BRD4: variants seen among roughly 807,000 people sequenced by gnomAD.
BRD4 encodes bromodomain-containing protein 4.
In BRD4, 16 loss-of-function variants were observed where a neutral mutation model predicts 142.1. The ratio of observed to expected loss-of-function variants is 0.11; its 90% CI spans 0.08 to 0.17. BRD4 has a LOEUF of 0.17. Among genes scored for constraint, BRD4 ranks in the 10% least tolerant of loss-of-function variants. BRD4 has a pLI of 1.00. For missense variants in BRD4, 1,424 were observed against 1,810.9 expected (o/e 0.79, Z 3.88); for synonymous variants, 833 against 707.5 (o/e 1.18, Z -2.82).
In BRD4 at chr19:15,244,879, A is replaced by G. The variant is rs2047272123; in HGVS notation, c.2159-117T>C. On this transcript the variant is annotated intron_variant, in intron 11 of 19. Coordinates refer to ENST00000679869, the MANE Select transcript of BRD4 (RefSeq NM_001379291.1). ...CAGGAGAAGGACCAGTGACCCTGAG[A>G]AAGGGCAGCCGAGTTCAATGAGGGA... 6.4e-6 allele frequency: 10 copies of G among 1,564,514 alleles called. No individual in the cohort carries two copies. The South Asian group carries it at 8.1e-5, about 13-fold the overall frequency.
rs536778930 is a variant in BRD4 at position 15,306,998 on chromosome 19, G to A, written c.-35+25292C>T. Among the ~76,000 whole-genome samples the A allele has an allele frequency of 4.4e-4, 67 of 152,114 alleles. 1 individual carries two copies. Among genetic ancestry groups the A allele is most frequent in the Middle Eastern group, 6.8e-3 (2 of 294 alleles). On this transcript the variant is annotated intron_variant, in intron 1 of 19. Transcript: ENST00000679869. The stretch of plus-strand genomic sequence containing the variant: ...TTCTCAATTTGTAAATAAAAAAACC[G>A]CAATTATCTGCAAAGCACAATAAAA...
rs201364641 is a variant in BRD4, at chr19:15,268,877, C to G, written c.423+28G>C. On this transcript the variant is annotated intron_variant, in intron 3 of 19. Coordinates refer to ENST00000679869, the MANE Select transcript of BRD4 (RefSeq NM_001379291.1). ...CGCCTCCCCTCCTCTCTCCCCAGGG[C>G]AGCTGGACACCCACCCCTACATCTC... 35 of 1,612,620 alleles carry G rather than the reference C, an allele frequency of 2.2e-5. No individual in the cohort carries two copies. The South Asian group carries it at 3.6e-4, about 17-fold the overall frequency.
intron 1 of BRD4, among the ~76,000 whole-genome samples, chr19:15,309,613 G>A (rs1249560330): frequency 2.0e-5 from 3 of 152,126 alleles, no homozygotes; most frequent in South Asian, 4.1e-4. Context: ...GTGTGTGTGG[G>A]CACTCACAGA....
intron 1 of BRD4, among the ~76,000 whole-genome samples, chr19:15,278,140 A>G (rs1408013355): frequency 2.5e-5 from 3 of 118,444 alleles, no homozygotes; most frequent in Admixed American, 1.8e-4. Context: ...AAAAAAAAAA[A>G]TCAAAATCAA....
intron 2 of BRD4, among the ~76,000 whole-genome samples, chr19:15,270,956 G>A (rs2047580864): frequency 6.6e-6 from 1 of 152,112 alleles, no homozygotes; most frequent in Non-Finnish European, 1.5e-5. Context: ...GAGCTAATGA[G>A]GGCGACGTCA....
chr19:15,305,022 TC>T (rs1422520925), intron 1 of BRD4, among the ~76,000 whole-genome samples: 109 of 142,974 alleles, frequency 7.6e-4, no homozygotes, highest in African/African-American at 2.8e-3. Flanking sequence ...ATTAAGACCA[TC>T]TTTTTTTTTT....
At chr19:15,247,174 T>C (rs972538217) in intron 11 of BRD4, 14 of 230,324 alleles carry the variant, frequency 6.1e-5, no homozygotes, top group Non-Finnish European at 5.2e-5. Flanking sequence ...AAAACACTGA[T>C]TCCACCCACC....
At chr19:15,332,210 T>C (rs1448638909) in intron 1 of BRD4, 80 bp downstream of exon 1, 2 of 144,738 alleles carry the variant, frequency 1.4e-5, no homozygotes, top group African/African-American at 5.0e-5. Flanking sequence ...CATTACGCAA[T>C]GCAGGTTACG....
rs1291423099 is a variant in BRD4 at position 15,239,279 on chromosome 19, G to A, written c.3577-15C>T. 6.2e-7 allele frequency: 1 copy of A among 1,613,154 alleles called. No individual in the cohort carries two copies. The highest frequency in any genetic ancestry group is 1.3e-5 in the African/African-American group (1 of 74,928). ...ATTTTCAGGTCCTGCAGAACAGAGA[G>A]GTTGGGGTGGGTGAGGGGTCTGCTG... On this transcript the variant is annotated splice_polypyrimidine_tract_variant and intron_variant, in intron 17 of 19. Transcript: ENST00000679869. The surrounding 1 kb of genome is among the most constrained non-coding windows in gnomAD (Gnocchi z 7.4).
At position 15,263,408 on chromosome 19, in the gene BRD4, C is replaced by G. The variant is rs1452725091; in HGVS notation, c.1341+12G>C. 6.2e-7 allele frequency: 1 copy of G among 1,613,146 alleles called. No homozygotes were observed. On this transcript the variant is annotated intron_variant, in intron 7 of 19. Transcript: ENST00000679869. The stretch of plus-strand genomic sequence containing the variant: ...GCTCTGCTGAGGGTGGCTGCGCCCT[C>G]CCAAGCCTCACCTGGAGCTTGCGGG...
chr19:15,322,555 A>C (rs1461848955), intron 1 of BRD4, among the ~76,000 whole-genome samples: 1 of 93,604 alleles, frequency 1.1e-5, no homozygotes, highest in Non-Finnish European at 2.3e-5. Context: ...TAAAACATAC[A>C]AAAAAAAAAA....
intron 1 of BRD4, among the ~76,000 whole-genome samples, chr19:15,285,813 T>C (rs771540028): frequency 2.0e-5 from 3 of 152,164 alleles, no homozygotes; most frequent in Non-Finnish European, 4.4e-5. Flanking sequence ...AAAAATACTT[T>C]AAGGAGGACT....
chr19:15,301,820 C>T (rs1482592632), intron 1 of BRD4, among the ~76,000 whole-genome samples: 4 of 146,100 alleles, frequency 2.7e-5, no homozygotes, highest in Admixed American at 6.8e-5. Flanking sequence ...GAAGACTGTG[C>T]CACTGCACTC....
chr19:15,272,775 C>T (rs774818904), intron 2 of BRD4, 40 bp downstream of exon 2: 2 of 1,582,376 alleles, frequency 1.3e-6, no homozygotes, highest in Non-Finnish European at 1.7e-6. Context: ...AGGAGACGAC[C>T]TCCAGGACGG....
At position 15,265,466 on chromosome 19, in the gene BRD4, G is replaced by A. The variant is rs1312736903; in HGVS notation, c.737C>T (p.Pro246Leu). The A allele has an allele frequency of 6.3e-7, 1 of 1,598,178 alleles. No individual in the cohort carries two copies. The highest frequency in any genetic ancestry group is 8.5e-7 in the Non-Finnish European group (1 of 1,170,840). The part of the protein sequence containing the change: ...TPVMTVVPPQ[P>L]LQTPPPVPPQ... ...GGGCACTGGCGGGGGCGTCTGCAGT[G>A]GCTGGGGAGGCACCACTGTCATGAC... The change falls in exon 5 of 20, where the codon CCA becomes CTA. Residue 246 changes from proline to leucine, a missense_variant. Physicochemically the swap from Pro to Leu is moderately conservative, Grantham distance 98. Transcript: ENST00000679869.
chr19:15,281,282 C>G (rs150277087), intron 1 of BRD4, among the ~76,000 whole-genome samples: 7 of 152,306 alleles, frequency 4.6e-5, no homozygotes, highest in African/African-American at 1.7e-4. Flanking sequence ...CTGCAGTACC[C>G]CAGACCCTGC....
chr19:15,328,335 C>T (rs893241014), intron 1 of BRD4, among the ~76,000 whole-genome samples: 1 of 152,084 alleles, frequency 6.6e-6, no homozygotes, highest in African/African-American at 2.4e-5. Flanking sequence ...TTAAGAAATG[C>T]TACCCATATG....
chr19:15,313,054 G>A (rs987461040), intron 1 of BRD4, among the ~76,000 whole-genome samples: 1 of 151,590 alleles, frequency 6.6e-6, no homozygotes, highest in African/African-American at 2.4e-5. Context: ...CTTGGATGAG[G>A]GAGACCCTGT....
chr19:15,318,292 C>CG lies in BRD4; in HGVS notation c.-35+13997dup, dbSNP rs536595603. ...AATCTTCAAACTATAGAGATTGGGG[C>CG]GGGGGGGTGAAGGAGTCTGTAATAG... On this transcript the variant is annotated intron_variant, in intron 1 of 19. Coordinates refer to ENST00000679869, the MANE Select transcript of BRD4 (RefSeq NM_001379291.1). Among the ~76,000 whole-genome samples the CG allele has an allele frequency of 2.8e-3, 423 of 151,510 alleles. 1 individual carries two copies. The highest frequency in any genetic ancestry group is 4.2e-3 in the Non-Finnish European group (284 of 67,876).
Sources: gnomAD v4.1 joint callset for allele counts (sites outside exome capture counted in the v4.1 genomes callset) on GRCh38, gnomAD v4.1.1 for gene constraint, Gnocchi (gnomAD v3.1) non-coding constraint, MANE v1.5 for transcripts, NCBI Gene and HGNC (gene_info 2026-07-23, HGNC 2026-07-21) for gene names.